Variants in PTPN14 observed in about 807,000 individuals in gnomAD.
The protein encoded by PTPN14 is protein tyrosine phosphatase non-receptor type 14.
In PTPN14, 53 loss-of-function variants were observed where a neutral mutation model predicts 126.8. The observed-to-expected ratio is 0.42, with a 90% CI of 0.34 to 0.53. The LOEUF (loss-of-function observed/expected upper bound fraction) is 0.53, where lower values mean the gene tolerates loss of function less well. PTPN14 is among the 20% of genes least tolerant of loss of function. PTPN14 has a pLI of 0.08. For synonymous variants in PTPN14, 630 were observed against 599.3 expected (o/e 1.05, Z -0.75); for missense variants, 1,257 against 1,552.9 (o/e 0.81, Z 3.20).
chr1:214,526,553 G>A (rs1423622264), intron 1 of PTPN14, among the ~76,000 whole-genome samples: 1 of 151,694 alleles, frequency 6.6e-6, no homozygotes, highest in South Asian at 2.1e-4. Context: ...TAGAAAAAGA[G>A]AGGTAGCTCT....
chr1:214,434,400 T>C (rs183698446), intron 3 of PTPN14, among the ~76,000 whole-genome samples: 1 of 152,152 alleles, frequency 6.6e-6, no homozygotes, highest in East Asian at 1.9e-4. Flanking sequence ...TCTGGTAACC[T>C]TCAAGAGGCA....
At position 214,411,234 on chromosome 1, in the gene PTPN14, C is replaced by T. The variant is rs12723391; in HGVS notation, c.510+450G>A. Among the ~76,000 whole-genome samples the T allele has an allele frequency of 3.2e-3, 486 of 152,024 alleles. 3 individuals are homozygous for T. The highest frequency in any genetic ancestry group is 4.8e-3 in the Non-Finnish European group (327 of 67,986). ...GATTGTTTTCTGCCAACTCTCACTA[C>T]TTCTATTAAACATAGTACTGGAAGT... On this transcript the variant is annotated intron_variant, in intron 5 of 18. Coordinates refer to ENST00000366956, the MANE Select transcript of PTPN14 (RefSeq NM_005401.5).
intron 5 of PTPN14, among the ~76,000 whole-genome samples, chr1:214,403,660 A>AC (rs1659091541): frequency 6.6e-6 from 1 of 152,186 alleles, no homozygotes; most frequent in Admixed American, 6.5e-5. Flanking sequence ...GATTTACATC[A>AC]CAGAAATAGG....
intron 1 of PTPN14, among the ~76,000 whole-genome samples, chr1:214,527,612 C>T (rs941953887): frequency 2.6e-5 from 4 of 152,258 alleles, no homozygotes; most frequent in Admixed American, 2.0e-4. Context: ...TAACCAAAAA[C>T]TTCTATTGAC....
chr1:214,464,728 G>T lies in PTPN14; in HGVS notation c.76C>A (p.Arg26Ser). 3.1e-6 allele frequency: 5 copies of T among 1,614,296 alleles called. No homozygotes were observed. Among genetic ancestry groups the T allele is most frequent in the Non-Finnish European group, 4.2e-6 (5 of 1,180,050 alleles). ...LSKNCFVTRIRLLDSNVIECT... is the reference protein window; with the variant it reads ...LSKNCFVTRISLLDSNVIECT... ...TCGATAACATTGCTGTCCAGCAGGCGAATCCGTGTGACAAAGCAGTTCTTG... is the reference window on the plus strand; with the variant it reads ...TCGATAACATTGCTGTCCAGCAGGCTAATCCGTGTGACAAAGCAGTTCTTG... The change falls in exon 2 of 19, where the codon CGC (arginine) becomes AGC (serine). Residue 26 changes from arginine to serine, a missense_variant. Transcript: ENST00000366956.
At chr1:214,372,943 T>C in intron 15 of PTPN14, 104 bp from the exon 16 acceptor site, 2 of 1,483,796 alleles carry the variant, frequency 1.3e-6, no homozygotes, top group Admixed American at 2.0e-5. Context: ...GGATATATTT[T>C]TGGGGCCGAA....
chr1:214,415,481 T>C (rs1176131387), intron 3 of PTPN14, among the ~76,000 whole-genome samples: 1 of 152,162 alleles, frequency 6.6e-6, no homozygotes, highest in Non-Finnish European at 1.5e-5. Context: ...TCTCAACACA[T>C]AGTCACAACG....
chr1:214,514,574 AGCCTGGG>A (rs1655053936), intron 1 of PTPN14, among the ~76,000 whole-genome samples: 3 of 122,940 alleles, frequency 2.4e-5, no homozygotes, highest in Admixed American at 1.4e-4. Context: ...TGATTCCCTG[AGCCTGGG>A]GTCCCCCCTC....
intron 1 of PTPN14, among the ~76,000 whole-genome samples, chr1:214,497,403 T>C (rs73077935): frequency 1.3e-5 from 2 of 152,124 alleles, no homozygotes; most frequent in Non-Finnish European, 2.9e-5. Context: ...CTGATGAGGA[T>C]AGTGAGGCTA....
Position 214,447,121 on chromosome 1 carries a change from C to G in PTPN14, c.344+4684G>C, listed in dbSNP as rs80064470. 2.2e-3 allele frequency among the ~76,000 whole-genome samples: 328 copies of G among 152,318 alleles called. 1 individual carries two copies. The highest frequency in any genetic ancestry group is 3.4e-3 in the Middle Eastern group (1 of 294). ...CTGAGATGCCTGGTAACTGGGATAACAGCGGATGACTGGAGAGTTAGTCAT... is the reference window on the plus strand; with the variant it reads ...CTGAGATGCCTGGTAACTGGGATAAGAGCGGATGACTGGAGAGTTAGTCAT... On this transcript the variant is annotated intron_variant, in intron 3 of 18. Transcript: ENST00000366956.
intron 1 of PTPN14, among the ~76,000 whole-genome samples, chr1:214,504,746 C>T (rs1654791173): frequency 6.6e-6 from 1 of 152,022 alleles, no homozygotes. Context: ...GAGACCAATC[C>T]CAGGATAAGG....
chr1:214,498,652 T>C (rs966228843), intron 1 of PTPN14, among the ~76,000 whole-genome samples: 8 of 152,160 alleles, frequency 5.3e-5, no homozygotes, highest in African/African-American at 1.7e-4. Context: ...CAATTTCCCA[T>C]CCACAAGAAA....
intron 3 of PTPN14, among the ~76,000 whole-genome samples, chr1:214,428,155 T>G (rs1659711878): frequency 6.6e-6 from 1 of 152,022 alleles, no homozygotes; most frequent in Admixed American, 6.5e-5. Flanking sequence ...GAAATGCCAG[T>G]CAGAAAAAAT....
At chr1:214,421,987 T>C (rs1242730625) in intron 3 of PTPN14, among the ~76,000 whole-genome samples, 1 of 152,156 alleles carries the variant, frequency 6.6e-6, no homozygotes, top group African/African-American at 2.4e-5. Flanking sequence ...CCCAACTCTG[T>C]CGTGATCAGT....
In PTPN14 at chr1:214,349,388, A is replaced by G. The variant is rs1427835754; in HGVS notation, c.*8534T>C. ...GCTGACGCAAGAACCTTAAGAACAA[A>G]CCGGTTTCTAAGTTGGGGACTTGTC... On this transcript the variant is annotated 3_prime_UTR_variant, in exon 19 of 19. Transcript: ENST00000366956. 6.6e-6 allele frequency: 1 copy of G among 152,210 alleles called. No individual in the cohort carries two copies. Among genetic ancestry groups the G allele is most frequent in the Non-Finnish European group, 1.5e-5 (1 of 68,036 alleles). The allele number at this position is 152,210 out of a possible 1,614,324, so 9.4% of individuals were successfully genotyped here. A position where few individuals can be genotyped will look rare whatever the true frequency, so the allele number is the denominator to read the frequency against.
chr1:214,454,155 A>T (rs931520265), intron 2 of PTPN14, among the ~76,000 whole-genome samples: 4 of 152,222 alleles, frequency 2.6e-5, no homozygotes, highest in African/African-American at 9.6e-5. Flanking sequence ...TGCAGCAATT[A>T]TTAAAGTTGG....
At position 214,394,904 on chromosome 1, in the gene PTPN14, GA is replaced by G; in HGVS notation, c.840del (p.His281ThrfsTer96). On this transcript the variant is annotated frameshift_variant, in exon 9 of 19. Transcript: ENST00000366956. LOFTEE classifies it high-confidence loss of function. ...TGTTTGTCTGTTGTGCTTACCGTGT[GA>G]AAGAGGGCAGTCTCTTCTTTGTTGA... The part of the protein sequence containing the change: ...ELINKEETAL[F>X]HTDDIENAKY... 1 of 1,612,016 alleles carries G rather than the reference GA, an allele frequency of 6.2e-7. No individual in the cohort carries two copies. The highest frequency in any genetic ancestry group is 8.5e-7 in the Non-Finnish European group (1 of 1,178,116).
intron 1 of PTPN14, among the ~76,000 whole-genome samples, chr1:214,468,602 C>T (rs2102657940): frequency 6.6e-6 from 1 of 152,168 alleles, no homozygotes; most frequent in Admixed American, 6.5e-5. Context: ...ACACCATACA[C>T]ACATAAGCAC....
intron 11 of PTPN14, among the ~76,000 whole-genome samples, chr1:214,387,522 GA>G (rs1658648544): frequency 6.6e-6 from 1 of 151,678 alleles, no homozygotes; most frequent in African/African-American, 2.4e-5. Flanking sequence ...AAGAAAAAAA[GA>G]AAAAAATTAT....
Sources: allele counts gnomAD v4.1 joint callset (sites outside exome capture counted in the v4.1 genomes callset), GRCh38; gene constraint gnomAD v4.1.1; transcripts MANE v1.5; gene names NCBI Gene and HGNC (gene_info 2026-07-23, HGNC 2026-07-21).